Variants in GIPC1 observed in about 807,000 individuals in gnomAD.
GIPC1 encodes PDZ domain-containing protein GIPC1.
GIPC1 carries 15 observed loss-of-function variants against 28.5 expected under a neutral mutation model. The observed-to-expected ratio is 0.53, with a 90% CI of 0.35 to 0.81. The LOEUF is 0.81. GIPC1 is among the 30% of genes least tolerant of loss of function. GIPC1 has a pLI of 0.01. For missense variants in GIPC1, 439 were observed against 481.9 expected, an observed-to-expected ratio of 0.91 and a Z score of 0.83; for synonymous variants, 224 against 206.1, an observed-to-expected ratio of 1.09 and a Z score of -0.74.
Position 14,478,332 on chromosome 19 carries a change from G to T in GIPC1, c.*84C>A. 7.2e-7 allele frequency: 1 copy of T among 1,383,912 alleles called. No homozygotes were observed. Among genetic ancestry groups the T allele is most frequent in the Non-Finnish European group, 9.8e-7 (1 of 1,017,420 alleles). 85.7% of individuals were successfully genotyped at this position (1,383,912 alleles called of 1,614,324 possible). A position where few individuals can be genotyped will look rare whatever the true frequency, so the allele number is the denominator to read the frequency against. On this transcript the variant is annotated 3_prime_UTR_variant, in exon 9 of 9. Coordinates refer to ENST00000393033, the MANE Select transcript of GIPC1 (RefSeq NM_005716.4). The surrounding 1 kb of genome is among the most constrained non-coding windows in gnomAD (Gnocchi z 5.2). ...GCTGCTGAGCTAGGCTCAGGCTGGA[G>T]GCTCGGGTCCTGACGTCAGTGTCCC...
chr19:14,486,318 T>G (rs763278765), intron 3 of GIPC1, among the ~76,000 whole-genome samples: 2 of 152,184 alleles, frequency 1.3e-5, no homozygotes, highest in Non-Finnish European at 2.9e-5. Context: ...TCACTAACAC[T>G]GTGTGCAAAA....
At chr19:14,483,860 G>A (rs573983739) in intron 3 of GIPC1, among the ~76,000 whole-genome samples, 7 of 151,728 alleles carry the variant, frequency 4.6e-5, no homozygotes, top group African/African-American at 1.7e-4. Flanking sequence ...TTGTGACAGG[G>A]TCTTGCTCTG....
intron 3 of GIPC1, among the ~76,000 whole-genome samples, chr19:14,485,702 T>TATATATATAGAGAGAGAGAGAG (rs1300117748): frequency 1.2e-4 from 7 of 58,786 alleles, no homozygotes; most frequent in Admixed American, 2.2e-4. Flanking sequence ...TATATATATA[T>TATATATATAGAGAGAGAGAGAG]AGAGAGAGAG....
intron 3 of GIPC1, among the ~76,000 whole-genome samples, chr19:14,490,621 G>A (rs527772135): frequency 4.6e-5 from 7 of 151,534 alleles, no homozygotes; most frequent in African/African-American, 1.7e-4. Context: ...AGGTTGAGGT[G>A]AGCTGAGACA....
rs1490124874 is a variant in GIPC1, at chr19:14,482,971, C to T, written c.6G>A (p.Pro2=). The part of the protein sequence containing the change: M[P]LGLGRRKKAP... ...CCTTTTTCCGCCGCCCCAGTCCCAG[C>T]GGCATGAGCAGCGAGAAGTGGGGTC... Residue 2 remains proline (P), a synonymous_variant, in exon 4 of 9, where the codon CCG becomes CCA. Coordinates refer to ENST00000393033, the MANE Select transcript of GIPC1 (RefSeq NM_005716.4). 18 of 1,610,768 alleles carry T rather than the reference C, an allele frequency of 1.1e-5. No individual in the cohort carries two copies. The highest frequency in any genetic ancestry group is 4.0e-5 in the African/African-American group (3 of 74,932).
chr19:14,479,406 A>G lies in GIPC1; in HGVS notation c.768+6T>C, dbSNP rs758121616. 1 of 1,247,574 alleles carries G rather than the reference A, an allele frequency of 8.0e-7. No homozygotes were observed. Among genetic ancestry groups the G allele is most frequent in the Admixed American group, 3.5e-5 (1 of 28,684 alleles). 77.3% of individuals were successfully genotyped at this position (1,247,574 alleles called of 1,614,324 possible). A position where few individuals can be genotyped will look rare whatever the true frequency, so the allele number is the denominator to read the frequency against. ...GCCGGAGATAGGGTCCGGCTGGAGC[A>G]CTCACCAGATCCTCCACCGTGGCGG... is the stretch of plus-strand genomic sequence containing the variant. On this transcript the variant is annotated splice_donor_region_variant and intron_variant, in intron 7 of 8. Coordinates refer to ENST00000393033, the MANE Select transcript of GIPC1 (RefSeq NM_005716.4).
Position 14,478,594 on chromosome 19 carries a change from G to T in GIPC1, c.851-27C>A. On this transcript the variant is annotated intron_variant, in intron 8 of 8. Coordinates refer to ENST00000393033, the MANE Select transcript of GIPC1 (RefSeq NM_005716.4). This position sits in a 1 kb window ranked among gnomAD's most constrained non-coding sequence, Gnocchi z 5.2. ...TATTGGGGGAGGGGTCAGAACGGAGGCACAAATGACACCAGGGACCAAGGG... is the reference window on the plus strand; with the variant it reads ...TATTGGGGGAGGGGTCAGAACGGAGTCACAAATGACACCAGGGACCAAGGG... 1 of 1,613,634 alleles carries T rather than the reference G, an allele frequency of 6.2e-7. No homozygotes were observed. Among genetic ancestry groups the T allele is most frequent in the Non-Finnish European group, 8.5e-7 (1 of 1,179,724 alleles).
intron 3 of GIPC1, among the ~76,000 whole-genome samples, chr19:14,487,100 T>C (rs2071862482): frequency 6.6e-6 from 1 of 152,142 alleles, no homozygotes; most frequent in Non-Finnish European, 1.5e-5. Flanking sequence ...AGTTGTGTAC[T>C]GTGCAAAATT....
chr19:14,490,428 A>G (rs2071943521), intron 3 of GIPC1, among the ~76,000 whole-genome samples: 1 of 151,056 alleles, frequency 6.6e-6, no homozygotes, highest in South Asian at 2.1e-4. Flanking sequence ...CTGTAATCCC[A>G]GCACTTTGGG....
At chr19:14,483,956 C>T (rs1027675071) in intron 3 of GIPC1, among the ~76,000 whole-genome samples, 1 of 151,728 alleles carries the variant, frequency 6.6e-6, no homozygotes, top group African/African-American at 2.4e-5. Flanking sequence ...ACCTCAGTCT[C>T]TCAAATAGCT....
intron 4 of GIPC1, chr19:14,481,038 A>G: frequency 2.3e-6 from 1 of 441,412 alleles, no homozygotes; most frequent in Non-Finnish European, 4.1e-6. Flanking sequence ...TGGTGCCATC[A>G]TAGTCACTGC....
intron 3 of GIPC1, among the ~76,000 whole-genome samples, chr19:14,489,986 T>C (rs1313043048): frequency 6.6e-6 from 1 of 151,944 alleles, no homozygotes; most frequent in Non-Finnish European, 1.5e-5. Flanking sequence ...GTCTGTGTTA[T>C]GGGGCCAGAT....
chr19:14,490,290 T>C (rs1340564739), intron 3 of GIPC1, among the ~76,000 whole-genome samples: 1 of 151,506 alleles, frequency 6.6e-6, no homozygotes, highest in Non-Finnish European at 1.5e-5. Flanking sequence ...TGCTTGAACC[T>C]GGGAGGTGGA....
chr19:14,479,360 A>AT (rs2071672466), intron 7 of GIPC1, 52 bp downstream of exon 7: 1 of 813,988 alleles, frequency 1.2e-6, no homozygotes, highest in African/African-American at 1.8e-5. Context: ...CTCAAAAAAA[A>AT]AAAAAAGAAA....
At chr19:14,494,640 C>T (rs1019130777) in intron 1 of GIPC1, among the ~76,000 whole-genome samples, 5 of 152,160 alleles carry the variant, frequency 3.3e-5, no homozygotes, top group African/African-American at 1.2e-4. Context: ...GTAGCAGGTG[C>T]TCACTAAATA....
At position 14,480,791 on chromosome 19, in the gene GIPC1, G is replaced by A; in HGVS notation, c.289-13C>T. On this transcript the variant is annotated splice_polypyrimidine_tract_variant and intron_variant, in intron 4 of 8. Transcript: ENST00000393033. ...TGCAGAACATCACCTGCAGGGGTGG[G>A]AGACGCTGAAACCTCTTCCCCCTCC... 1 of 1,596,158 alleles carries A rather than the reference G, an allele frequency of 6.3e-7. No homozygotes were observed. The highest frequency in any genetic ancestry group is 8.6e-7 in the Non-Finnish European group (1 of 1,166,534).
chr19:14,493,348 T>A (rs2072009694), intron 1 of GIPC1, among the ~76,000 whole-genome samples: 1 of 152,228 alleles, frequency 6.6e-6, no homozygotes, highest in Admixed American at 6.5e-5. Flanking sequence ...GCAATCTCCT[T>A]ACTGTGACCC....
At chr19:14,495,875 C>T (rs1285995000) in intron 1 of GIPC1, among the ~76,000 whole-genome samples, 162 bp downstream of exon 1, 26 of 150,564 alleles carry the variant, frequency 1.7e-4, no homozygotes, top group African/African-American at 6.3e-4. Context: ...CCCCCACCCC[C>T]GCTTCCCCTG....
intron 4 of GIPC1, chr19:14,482,368 CT>C: frequency 1.1e-5 from 5 of 468,048 alleles, no homozygotes; most frequent in South Asian, 8.8e-5. Context: ...GGGTACACCC[CT>C]CCTAATGCCT....
Sources: allele counts gnomAD v4.1 joint callset (sites outside exome capture counted in the v4.1 genomes callset), GRCh38; gene constraint gnomAD v4.1.1; non-coding constraint Gnocchi (gnomAD v3.1); transcripts MANE v1.5; gene names NCBI Gene and HGNC (gene_info 2026-07-23, HGNC 2026-07-21).